The following NFIB variants were observed in gnomAD, a reference collection of about 807,000 sequenced individuals.
The protein encoded by NFIB is nuclear factor 1 B-type.
Under a neutral mutation model 61.5 loss-of-function variants are expected in NFIB, and 11 were observed. That is an observed-to-expected ratio of 0.18 (90% confidence interval 0.11 to 0.30). The LOEUF (loss-of-function observed/expected upper bound fraction) is 0.30. NFIB is among the 10% of genes least tolerant of loss of function. NFIB has a pLI of 1.00. For synonymous variants in NFIB, 260 were observed against 216.5 expected, an observed-to-expected ratio of 1.20 and a Z score of -1.76; for missense variants, 471 against 608.9, an observed-to-expected ratio of 0.77 and a Z score of 2.38.
intron 2 of NFIB, among the ~76,000 whole-genome samples, chr9:14,274,032 T>C (rs1334441586): frequency 6.6e-6 from 1 of 152,150 alleles, no homozygotes; most frequent in Non-Finnish European, 1.5e-5. Flanking sequence ...TTGGAAGTCT[T>C]GTTAAAAGAG....
At chr9:14,503,495 T>C in the NFIB span, among the ~76,000 whole-genome samples, 1 of 152,128 alleles carries the variant, frequency 6.6e-6, no homozygotes, top group Non-Finnish European at 1.5e-5. Flanking sequence ...CATTCTGAAG[T>C]CTATGTGACA....
chr9:14,407,123 C>T, the NFIB span, among the ~76,000 whole-genome samples: 1 of 152,118 alleles, frequency 6.6e-6, no homozygotes, highest in African/African-American at 2.4e-5. Context: ...ATTTGTTACC[C>T]AGAATTGGTT....
chr9:14,182,420 G>C (rs1255434212), intron 2 of NFIB, among the ~76,000 whole-genome samples: 3 of 152,114 alleles, frequency 2.0e-5, no homozygotes, highest in Non-Finnish European at 2.9e-5. Flanking sequence ...TTACTTTTCA[G>C]ACTGTAAATT....
At chr9:14,239,872 A>G (rs957347972) in intron 2 of NFIB, among the ~76,000 whole-genome samples, 7 of 152,184 alleles carry the variant, frequency 4.6e-5, no homozygotes, top group Non-Finnish European at 1.0e-4. Flanking sequence ...TATGTTAAAG[A>G]GAACATTACA....
Position 14,313,151 on chromosome 9 carries a change from G to T in NFIB, c.30+331C>A, listed in dbSNP as rs952291221. 2.0e-5 allele frequency among the ~76,000 whole-genome samples: 3 copies of T among 152,184 alleles called. No homozygotes were observed. The highest frequency in any genetic ancestry group is 4.4e-5 in the Non-Finnish European group (3 of 68,028). ...GCTGAGAGGGGCTACGGGCACCCCG[G>T]GCGGGGATGCCGCACCACAACGGGC... On this transcript the variant is annotated intron_variant, in intron 1 of 10. Transcript: ENST00000380953. This position sits in a 1 kb window ranked among gnomAD's most constrained non-coding sequence, Gnocchi z 4.5.
chr9:14,251,857 G>T (rs1294502130), intron 2 of NFIB, among the ~76,000 whole-genome samples: 1 of 152,192 alleles, frequency 6.6e-6, no homozygotes, highest in African/African-American at 2.4e-5. Flanking sequence ...AAGCTGGAGA[G>T]GAAAACAACA....
chr9:14,419,633 A>G, the NFIB span, among the ~76,000 whole-genome samples: 9 of 152,162 alleles, frequency 5.9e-5, no homozygotes, highest in Non-Finnish European at 1.3e-4. Context: ...GAACTTCCCC[A>G]GGACCGCTGT....
chr9:14,145,842 T>G (rs1383587871), intron 6 of NFIB, among the ~76,000 whole-genome samples: 1 of 151,748 alleles, frequency 6.6e-6, no homozygotes, highest in Non-Finnish European at 1.5e-5. Flanking sequence ...TTTGTAGAGA[T>G]GGGGTCTTGC....
the NFIB span, among the ~76,000 whole-genome samples, chr9:14,430,463 T>C: frequency 6.6e-6 from 1 of 152,228 alleles, no homozygotes; most frequent in East Asian, 1.9e-4. Flanking sequence ...AAAACTACAG[T>C]TGTCAAAGCC....
At position 14,130,672 on chromosome 9, in the gene NFIB, G is replaced by T. The variant is rs114460863; in HGVS notation, c.926-4906C>A. Among the ~76,000 whole-genome samples, 1,413 of 151,850 alleles carry T rather than the reference G, an allele frequency of 9.3e-3. 26 individuals carry two copies. The highest frequency in any genetic ancestry group is 0.033 in the African/African-American group (1,347 of 41,344). ...GAGGCTGGAAGAATATGCTACTTGG[G>T]AAGAGAATGAAAAAAAAAAGTAGAA... On this transcript the variant is annotated intron_variant, in intron 6 of 10. Coordinates refer to ENST00000380953, the MANE Select transcript of NFIB (RefSeq NM_001190737.2).
At chr9:14,231,129 A>AG in intron 2 of NFIB, among the ~76,000 whole-genome samples, 1 of 78,178 alleles carries the variant, frequency 1.3e-5, no homozygotes, top group Non-Finnish European at 2.4e-5. Context: ...GGAAAAAAAA[A>AG]AAAAAAATAT....
upstream of NFIB, among the ~76,000 whole-genome samples, chr9:14,318,153 A>C (rs2060582819): frequency 6.6e-6 from 1 of 152,170 alleles, no homozygotes; most frequent in Non-Finnish European, 1.5e-5. Flanking sequence ...CTGTTATTTC[A>C]GTATTCTTAA....
At chr9:14,496,055 A>G in the NFIB span, among the ~76,000 whole-genome samples, 5 of 152,222 alleles carry the variant, frequency 3.3e-5, no homozygotes, top group African/African-American at 2.4e-5. Flanking sequence ...CTATATGTCT[A>G]AAGTGCTTAC....
intron 1 of NFIB, among the ~76,000 whole-genome samples, chr9:14,308,554 C>T (rs1327228855): frequency 6.6e-6 from 1 of 152,146 alleles, no homozygotes; most frequent in African/African-American, 2.4e-5. Context: ...TGAAAAATGG[C>T]AACTTGGCAC....
chr9:14,191,966 A>G (rs2047997351), intron 2 of NFIB, among the ~76,000 whole-genome samples: 1 of 152,186 alleles, frequency 6.6e-6, no homozygotes, highest in Non-Finnish European at 1.5e-5. Flanking sequence ...AAGAAATCAC[A>G]TCATTATTTC....
chr9:14,274,015 A>G (rs1436058628), intron 2 of NFIB, among the ~76,000 whole-genome samples: 1 of 152,162 alleles, frequency 6.6e-6, no homozygotes, highest in Non-Finnish European at 1.5e-5. Flanking sequence ...GTTATCTACA[A>G]GTATTTTTGG....
Position 14,085,786 on chromosome 9 carries a change from GA to G in NFIB, c.*2522del, listed in dbSNP as rs1199010722. On this transcript the variant is annotated 3_prime_UTR_variant, in exon 11 of 11. Coordinates refer to ENST00000380953, the MANE Select transcript of NFIB (RefSeq NM_001190737.2). ...ATCATTAATGAAATGAAATGGGGAC[GA>G]AAAGTGGCAGAAAAGGAATACGGGA... 1 of 220,324 alleles carries G rather than the reference GA, an allele frequency of 4.5e-6. No individual in the cohort carries two copies. The highest frequency in any genetic ancestry group is 9.1e-6 in the Non-Finnish European group (1 of 110,022). 13.6% of individuals were successfully genotyped at this position (220,324 alleles called of 1,614,324 possible). A position where few individuals can be genotyped will look rare whatever the true frequency, so the allele number is the denominator to read the frequency against.
chr9:14,220,650 C>T (rs148781469), intron 2 of NFIB, among the ~76,000 whole-genome samples: 7 of 152,212 alleles, frequency 4.6e-5, no homozygotes, highest in African/African-American at 9.6e-5. Flanking sequence ...CAATCCCACA[C>T]TCTCAACCTC....
intron 2 of NFIB, among the ~76,000 whole-genome samples, chr9:14,254,469 T>C (rs1429544306): frequency 6.6e-6 from 1 of 152,186 alleles, no homozygotes; most frequent in African/African-American, 2.4e-5. Context: ...TTACTGATCT[T>C]ATCCCTCCAC....
Sources: allele counts gnomAD v4.1 joint callset (sites outside exome capture counted in the v4.1 genomes callset), GRCh38; gene constraint gnomAD v4.1.1; non-coding constraint Gnocchi (gnomAD v3.1); transcripts MANE v1.5; gene names NCBI Gene and HGNC (gene_info 2026-07-23, HGNC 2026-07-21).